Variants in NDUFAF6 observed in about 807,000 individuals in gnomAD.
NDUFAF6 encodes the protein NADH dehydrogenase (ubiquinone) complex I, assembly factor 6.
NDUFAF6 carries 45 observed loss-of-function variants against 40.8 expected under a neutral mutation model. That is an observed-to-expected ratio of 1.10 (90% CI 0.87 to 1.42). NDUFAF6 has a LOEUF of 1.42. NDUFAF6 is among the 40% of genes most tolerant of loss of function. The pLI is 0.00. For missense variants in NDUFAF6, 435 were observed against 418.5 expected, an observed-to-expected ratio of 1.04 and a Z score of -0.34; for synonymous variants, 185 against 155.9, an observed-to-expected ratio of 1.19 and a Z score of -1.39.
At chr8:95,071,514 C>A (rs114279258) in intron 9 of NDUFAF6, among the ~76,000 whole-genome samples, 2 of 152,128 alleles carry the variant, frequency 1.3e-5, no homozygotes, top group South Asian at 4.2e-4. Flanking sequence ...GAGGTTCCTA[C>A]GCCTGCAGTG....
At chr8:94,903,150 G>A (rs576127284) in intron 1 of NDUFAF6, among the ~76,000 whole-genome samples, 11 of 152,172 alleles carry the variant, frequency 7.2e-5, no homozygotes, top group African/African-American at 1.9e-4. Context: ...CAGGAGGATC[G>A]ATTGAGCCTA....
intron 2 of NDUFAF6, among the ~76,000 whole-genome samples, chr8:95,086,694 T>C (rs1030293603): frequency 2.6e-5 from 4 of 151,270 alleles, no homozygotes; most frequent in Admixed American, 6.6e-5. Flanking sequence ...CTCTGCCTCC[T>C]GGGTTCATGC....
Position 94,986,786 on chromosome 8 carries a change from T to A in NDUFAF6, c.-84+5813T>A, listed in dbSNP as rs1825929460. 2.0e-5 allele frequency among the ~76,000 whole-genome samples: 3 copies of A among 152,194 alleles called. No homozygotes were observed. In the South Asian group the frequency reaches 6.2e-4, roughly 31 times the overall value. On this transcript the variant is annotated intron_variant, in intron 2 of 9. Coordinates refer to the NDUFAF6 transcript ENST00000396111. ...CTGTGACATGATGATTCTATTCCCCTATTACCTGTCACATGAGAGCCAGTT... is the reference window on the plus strand; with the variant it reads ...CTGTGACATGATGATTCTATTCCCCAATTACCTGTCACATGAGAGCCAGTT...
intron 1 of NDUFAF6, among the ~76,000 whole-genome samples, chr8:94,967,919 C>T (rs909022969): frequency 1.5e-4 from 22 of 141,982 alleles, no homozygotes; most frequent in Non-Finnish European, 2.7e-4. Flanking sequence ...CTAGCCTTTG[C>T]GACAGAGCGA....
At chr8:95,043,557 A>T (rs1830389414) in intron 4 of NDUFAF6, among the ~76,000 whole-genome samples, 1 of 152,218 alleles carries the variant, frequency 6.6e-6, no homozygotes, top group African/African-American at 2.4e-5. Flanking sequence ...ATCCTAATTT[A>T]AAAATGGGGA....
At chr8:94,997,152 G>C (rs1380335112) in intron 2 of NDUFAF6, among the ~76,000 whole-genome samples, 1 of 152,154 alleles carries the variant, frequency 6.6e-6, no homozygotes, top group Non-Finnish European at 1.5e-5. Context: ...ATTTTGTGGA[G>C]AGGAACGTGA....
At chr8:95,056,560 G>A (rs1353883934) in intron 8 of NDUFAF6, among the ~76,000 whole-genome samples, 1 of 152,060 alleles carries the variant, frequency 6.6e-6, no homozygotes, top group African/African-American at 2.4e-5. Context: ...AGGCAGCTGG[G>A]ACATTGATGC....
At position 95,068,411 on chromosome 8, in the gene NDUFAF6, T is replaced by C. The variant is rs1308808984; in HGVS notation, c.*512-7222T>C. The C allele has an allele frequency of 5.3e-5, 8 of 151,948 alleles. 1 individual carries two copies. The highest frequency in any genetic ancestry group is 8.8e-5 in the Non-Finnish European group (6 of 68,050). The allele number at this position is 151,948 out of a possible 1,614,324, so 9.4% of individuals were successfully genotyped here. Reference sequence around the variant, plus strand: ...AGAGATCCATTTACTGCTGGTATGCTGAATCCCCCACTAGAACAGTGTCTG... The same window carrying C: ...AGAGATCCATTTACTGCTGGTATGCCGAATCCCCCACTAGAACAGTGTCTG... On this transcript the variant is annotated intron_variant and NMD_transcript_variant, in intron 9 of 9. Coordinates refer to the NDUFAF6 transcript ENST00000520757.
downstream of NDUFAF6, among the ~76,000 whole-genome samples, chr8:95,081,108 C>G (rs957030964): frequency 2.0e-5 from 3 of 147,132 alleles, no homozygotes; most frequent in Non-Finnish European, 1.5e-5. Flanking sequence ...AGGTTCCGCC[C>G]TTTGGGAGTT....
At position 95,035,484 on chromosome 8, in the gene NDUFAF6, G is replaced by T. The variant is rs777821109; in HGVS notation, c.328G>T (p.Gly110Ter). Reference sequence around the variant, plus strand: ...AGACTCAGTCTCTGAGAAAACAATTGGACTGATGCGAATGCAGTTTTGGAA... The same window carrying T: ...AGACTCAGTCTCTGAGAAAACAATTTGACTGATGCGAATGCAGTTTTGGAA... Reference protein sequence around the residue: ...VKDSVSEKTIGLMRMQFWKKT... With the variant: ...VKDSVSEKTI Residue 110 changes from glycine (G) to a stop codon, truncating the protein, a stop_gained, in exon 3 of 9, where the codon GGA becomes TGA. Coordinates refer to ENST00000396124, the MANE Select transcript of NDUFAF6 (RefSeq NM_152416.4). LOFTEE classifies it high-confidence loss of function. 68 of 1,613,444 alleles carry T rather than the reference G, an allele frequency of 4.2e-5. No individual in the cohort carries two copies. The South Asian group carries it at 7.5e-4, about 18-fold the overall frequency.
chr8:94,967,940 C>CA (rs56332377), intron 1 of NDUFAF6, among the ~76,000 whole-genome samples: 3,162 of 134,774 alleles, frequency 0.023, 115 homozygotes, highest in African/African-American at 0.086. Context: ...GACTCTGTCT[C>CA]AAAAAAAAAA....
intron 2 of NDUFAF6, among the ~76,000 whole-genome samples, chr8:94,946,268 A>T (rs1821981461): frequency 6.6e-6 from 1 of 152,190 alleles, no homozygotes; most frequent in Admixed American, 6.5e-5. Context: ...TGGCTGACTG[A>T]GTCTAATACT....
intron 2 of NDUFAF6, among the ~76,000 whole-genome samples, chr8:94,994,059 G>T (rs1489783427): frequency 1.3e-5 from 2 of 152,006 alleles, no homozygotes; most frequent in African/African-American, 4.8e-5. Context: ...GGAGGAGAAG[G>T]TATAGGTCAG....
chr8:94,917,615 C>T (rs12548999), intron 1 of NDUFAF6, among the ~76,000 whole-genome samples: 98,233 of 151,994 alleles, frequency 0.65, 32,115 homozygotes, highest in East Asian at 0.79. Flanking sequence ...CAAAGAATCT[C>T]TCAGTCTTAG....
intron 2 of NDUFAF6, among the ~76,000 whole-genome samples, chr8:95,089,976 G>A (rs563165402): frequency 2.2e-4 from 34 of 152,176 alleles, no homozygotes; most frequent in African/African-American, 6.7e-4. Flanking sequence ...GCTGCCCTGC[G>A]GGTCCTCTAC....
At chr8:94,977,719 G>A (rs1292221085) in intron 1 of NDUFAF6, among the ~76,000 whole-genome samples, 2 of 152,012 alleles carry the variant, frequency 1.3e-5, no homozygotes, top group Non-Finnish European at 2.9e-5. Context: ...GTGGCCTTCT[G>A]TGGGGGTCTC....
intron 2 of NDUFAF6, among the ~76,000 whole-genome samples, chr8:95,089,484 G>A (rs1809180741): frequency 6.6e-6 from 1 of 152,070 alleles, no homozygotes; most frequent in Admixed American, 6.6e-5. Flanking sequence ...ATAAAAGGGA[G>A]AGGACAAGAT....
At chr8:94,966,993 T>C (rs1002205124) in intron 1 of NDUFAF6, among the ~76,000 whole-genome samples, 3 of 151,992 alleles carry the variant, frequency 2.0e-5, no homozygotes, top group Non-Finnish European at 4.4e-5. Context: ...CTGCACCAAC[T>C]AAATCAGGTT....
chr8:94,904,555 G>GTCA lies in NDUFAF6; in HGVS notation c.-936+8629_-936+8631dup, dbSNP rs771816125. 1.1e-3 allele frequency among the ~76,000 whole-genome samples: 167 copies of GTCA among 151,802 alleles called. 2 individuals carry two copies. Among genetic ancestry groups the GTCA allele is most frequent in the Non-Finnish European group, 1.8e-3 (124 of 67,928 alleles). On this transcript the variant is annotated intron_variant, in intron 1 of 14. Transcript: ENST00000396113. ...TAACTTTATGCAGTTTCATTTGCCTGTCACTTCTCTAATGATTTTAAGTTT... is the reference window on the plus strand; with the variant it reads ...TAACTTTATGCAGTTTCATTTGCCTGTCATCACTTCTCTAATGATTTTAAGTTT...
Sources: allele counts gnomAD v4.1 joint callset (sites outside exome capture counted in the v4.1 genomes callset), GRCh38; gene constraint gnomAD v4.1.1; transcripts MANE v1.5; gene names NCBI Gene and HGNC (gene_info 2026-07-23, HGNC 2026-07-21).